The following DAB2 variants were observed in gnomAD, a reference collection of about 807,000 sequenced individuals.
DAB2 encodes the protein disabled homolog 2.
In DAB2, 28 loss-of-function variants were observed where a neutral mutation model predicts 71.6. The observed-to-expected ratio is 0.39, with a 90% CI of 0.29 to 0.54. The LOEUF (loss-of-function observed/expected upper bound fraction) is 0.54. DAB2 is among the 20% of genes least tolerant of loss of function. The probability of loss-of-function intolerance (pLI) is 0.68; values close to 1 mark genes in which losing one functional copy is unlikely to be tolerated. For missense variants in DAB2, 867 were observed against 928.8 expected (o/e 0.93, Z 0.86); for synonymous variants, 345 against 339.7 (o/e 1.02, Z -0.17).
At chr5:39,388,510 G>C (rs1408985417) in intron 8 of DAB2, 143 bp from the exon 9 acceptor site, 2 of 677,074 alleles carry the variant, frequency 3.0e-6, no homozygotes, top group Non-Finnish European at 5.1e-6. Flanking sequence ...ATATTAAGCT[G>C]TTTAGGTCAG....
intron 1 of DAB2, among the ~76,000 whole-genome samples, chr5:39,409,876 G>A (rs1490944747): frequency 6.6e-6 from 1 of 152,164 alleles, no homozygotes; most frequent in Non-Finnish European, 1.5e-5. Context: ...GTGAATGATA[G>A]TGTTTCGGAG....
intron 1 of DAB2, among the ~76,000 whole-genome samples, chr5:39,424,488 CA>C (rs1756058517): frequency 3.5e-5 from 5 of 141,820 alleles, no homozygotes; most frequent in African/African-American, 1.5e-4. Flanking sequence ...CACACACACA[CA>C]CACACACACA....
chr5:39,383,093 G>C lies in DAB2; in HGVS notation c.866C>G (p.Thr289Ser), dbSNP rs773083361. 2 of 1,614,152 alleles carry C rather than the reference G, an allele frequency of 1.2e-6. No homozygotes were observed. Among genetic ancestry groups the C allele is most frequent in the Non-Finnish European group, 1.7e-6 (2 of 1,180,024 alleles). Residue 289 changes from threonine (T) to serine (S), a missense_variant, in exon 10 of 15, where the codon ACC (threonine) becomes AGC (serine). Coordinates refer to ENST00000320816, the MANE Select transcript of DAB2 (RefSeq NM_001343.4). ...AFSANLNFFP[T>S]PNPDPFRDDP... ...GTCACGGAAAGGATCAGGATTAGGG[G>C]TGGGAAAGAAGTTGAGATTGGCAGA...
intron 9 of DAB2, among the ~76,000 whole-genome samples, chr5:39,385,633 C>T (rs1194515076): frequency 1.3e-5 from 2 of 152,148 alleles, no homozygotes; most frequent in African/African-American, 2.4e-5. Flanking sequence ...ACTGGAGACA[C>T]GGCAGTGCGT....
At chr5:39,424,445 C>G (rs1013584261) in intron 1 of DAB2, among the ~76,000 whole-genome samples, 1 of 148,738 alleles carries the variant, frequency 6.7e-6, no homozygotes, top group African/African-American at 2.5e-5. Flanking sequence ...CCTCAGTGTC[C>G]TAGGAGGGCT....
intron 1 of DAB2, among the ~76,000 whole-genome samples, chr5:39,410,489 T>C (rs947391542): frequency 2.1e-4 from 31 of 150,712 alleles, no homozygotes; most frequent in South Asian, 2.2e-4. Context: ...TCTGTTGGGA[T>C]ATTTTAAAAG....
intron 2 of DAB2, among the ~76,000 whole-genome samples, chr5:39,393,683 T>C (rs1489976011): frequency 7.0e-6 from 1 of 143,280 alleles, no homozygotes; most frequent in Non-Finnish European, 1.6e-5. Context: ...ACATTTTTCA[T>C]CATAGTTTTT....
chr5:39,382,047 C>G (rs1000596614), intron 10 of DAB2, among the ~76,000 whole-genome samples: 1 of 152,108 alleles, frequency 6.6e-6, no homozygotes, highest in African/African-American at 2.4e-5. Context: ...CCTGTATATT[C>G]TTAGGAGAGG....
intron 1 of DAB2, among the ~76,000 whole-genome samples, chr5:39,418,532 T>C (rs530378847): frequency 1.3e-5 from 2 of 152,308 alleles, no homozygotes; most frequent in African/African-American, 4.8e-5. Context: ...TTATTCACTT[T>C]CCAGTTCTTT....
rs551721683 is a variant in DAB2, at chr5:39,413,786, T to C, written c.-102+11018A>G. Among the ~76,000 whole-genome samples the C allele has an allele frequency of 7.9e-5, 12 of 152,316 alleles. No individual in the cohort carries two copies. The East Asian group carries it at 2.3e-3, about 29-fold the overall frequency. On this transcript the variant is annotated intron_variant, in intron 1 of 14. Transcript: ENST00000320816. ...TTCTGTATTTTAAAAATTAAATTCC[T>C]TAAAGATGTGCTAATTTGGTAGACA... is the stretch of plus-strand genomic sequence containing the variant.
chr5:39,377,825 A>G (rs542394453), intron 11 of DAB2, among the ~76,000 whole-genome samples: 1 of 152,320 alleles, frequency 6.6e-6, no homozygotes, highest in Non-Finnish European at 1.5e-5. Flanking sequence ...AGACCTCAAC[A>G]TGCTTGCATC....
At chr5:39,388,103 T>G (rs1338031428) in intron 9 of DAB2, 1 of 531,660 alleles carries the variant, frequency 1.9e-6, no homozygotes, top group Non-Finnish European at 3.3e-6. Flanking sequence ...CTGTAAGCAA[T>G]ATTAATATAA....
intron 1 of DAB2, among the ~76,000 whole-genome samples, chr5:39,412,021 A>C (rs560209901): frequency 1.8e-4 from 28 of 152,238 alleles, no homozygotes; most frequent in African/African-American, 6.7e-4. Context: ...GATGTGAATA[A>C]AGTTCCCTTC....
chr5:39,407,447 T>C (rs1033420006), intron 1 of DAB2, among the ~76,000 whole-genome samples: 9 of 152,240 alleles, frequency 5.9e-5, no homozygotes. Context: ...CTCAAACTCC[T>C]GCCTCAGCCT....
intron 1 of DAB2, among the ~76,000 whole-genome samples, chr5:39,401,740 T>TATTTATTA (rs1168601923): frequency 1.4e-5 from 2 of 146,930 alleles, no homozygotes; most frequent in Non-Finnish European, 3.0e-5. Flanking sequence ...GTTATTTATT[T>TATTTATTA]ATTTATTTAT....
chr5:39,396,118 T>G (rs1428943663), intron 1 of DAB2, among the ~76,000 whole-genome samples: 1 of 151,762 alleles, frequency 6.6e-6, no homozygotes, highest in African/African-American at 2.4e-5. Flanking sequence ...CCGGCTAAGT[T>G]TTGTATTTTC....
Position 39,376,732 on chromosome 5 carries a change from A to G in DAB2, c.2055T>C (p.Tyr685=), listed in dbSNP as rs754627174. 12 of 1,614,146 alleles carry G rather than the reference A, an allele frequency of 7.4e-6. No individual in the cohort carries two copies. The South Asian group carries it at 1.2e-4, about 16-fold the overall frequency. The part of the protein sequence containing the change: ...SSGTLSAFAS[Y]FNSKVGIPQE... ...GAGGAATGCCAACCTTGCTGTTGAA[A>G]TAACTGGCAAAGGCACTCAAAGTCC... is the stretch of plus-strand genomic sequence containing the variant. The change falls in exon 12 of 15, where the codon TAT becomes TAC. Residue 685 remains tyrosine, a synonymous_variant. Coordinates refer to ENST00000320816, the MANE Select transcript of DAB2 (RefSeq NM_001343.4).
Position 39,422,054 on chromosome 5 carries a change from A to G in DAB2, c.-102+2750T>C, listed in dbSNP as rs141863910. Among the ~76,000 whole-genome samples, 552 of 152,246 alleles carry G rather than the reference A, an allele frequency of 3.6e-3. 3 individuals carry two copies. Among genetic ancestry groups the G allele is most frequent in the African/African-American group, 0.013 (535 of 41,546 alleles). On this transcript the variant is annotated intron_variant, in intron 1 of 14. Transcript: ENST00000320816. This position sits in a 1 kb window ranked among gnomAD's most constrained non-coding sequence, Gnocchi z 4.1. ...CAGTGTACTCCAGCATGGGCAACAG[A>G]GGGAGACTCTGTCTCAAACAAAACA...
rs1208038118 is a variant in DAB2 at position 39,389,868 on chromosome 5, T to A, written c.527A>T (p.Glu176Val). 8.9e-6 allele frequency: 14 copies of A among 1,576,334 alleles called. No homozygotes were observed. The highest frequency in any genetic ancestry group is 1.2e-5 in the Non-Finnish European group (14 of 1,153,480). The change falls in exon 6 of 15, where the codon GAA (glutamate) becomes GTA (valine). Residue 176 changes from glutamate to valine, a missense_variant. Coordinates refer to ENST00000320816, the MANE Select transcript of DAB2 (RefSeq NM_001343.4). ...AGTACTTGCCTTTTTCTTTTCTTCT[T>A]CCTTTTTCTTTACATTATAGATAAC... ...FQVIYNVKKKEEEKKKIEEAS... is the reference protein window; with the variant it reads ...FQVIYNVKKKVEEKKKIEEAS...
Sources: allele counts gnomAD v4.1 joint callset (sites outside exome capture counted in the v4.1 genomes callset), GRCh38; gene constraint gnomAD v4.1.1; non-coding constraint Gnocchi (gnomAD v3.1); transcripts MANE v1.5; gene names NCBI Gene and HGNC (gene_info 2026-07-23, HGNC 2026-07-21).